The following GRAMD2B variants were observed in gnomAD, a reference collection of about 807,000 sequenced individuals.
The protein encoded by GRAMD2B is GRAM domain-containing protein 2B.
GRAMD2B carries 41 observed loss-of-function variants against 59.2 expected under a neutral mutation model. That is an observed-to-expected ratio of 0.69 (90% CI 0.54 to 0.90). GRAMD2B has a LOEUF of 0.90. GRAMD2B is among the 40% of genes least tolerant of loss of function. The pLI, the probability that GRAMD2B is intolerant of heterozygous loss-of-function variation, is 0.00. For synonymous variants in GRAMD2B, 161 were observed against 182.7 expected (o/e 0.88, Z 0.96); for missense variants, 424 against 500.5 (o/e 0.85, Z 1.46).
intron 1 of GRAMD2B, among the ~76,000 whole-genome samples, chr5:126,438,375 T>C (rs1762757353): frequency 6.6e-6 from 1 of 152,006 alleles, no homozygotes; most frequent in African/African-American, 2.4e-5. Context: ...GTGTCAGAAA[T>C]GGGCTTGAAC....
intron 1 of GRAMD2B, among the ~76,000 whole-genome samples, chr5:126,443,350 G>A (rs970043603): frequency 5.3e-5 from 8 of 152,188 alleles, no homozygotes; most frequent in East Asian, 3.8e-4. Flanking sequence ...TGGCTCAGGC[G>A]CACCTGAAAT....
chr5:126,416,492 A>T (rs965387485), intron 1 of GRAMD2B, among the ~76,000 whole-genome samples: 12 of 152,322 alleles, frequency 7.9e-5, no homozygotes, highest in African/African-American at 2.9e-4. Flanking sequence ...ATCTAACATG[A>T]ACTAGACTCT....
At position 126,371,376 on chromosome 5, in the gene GRAMD2B, A is replaced by G. The variant is rs1580676762; in HGVS notation, c.-67A>G. ...AAAGCTGAAACGCAGAGATTTTCAT[A>G]TTATTTGGGAGACTCAGAAATGAGC... On this transcript the variant is annotated 5_prime_UTR_variant, in exon 1 of 9. Transcript: ENST00000506445. The G allele has an allele frequency of 3.3e-6, 4 of 1,218,626 alleles. No homozygotes were observed. The South Asian group carries it at 4.3e-5, about 13-fold the overall frequency. The allele number at this position is 1,218,626 out of a possible 1,614,324, so 75.5% of individuals were successfully genotyped here.
At chr5:126,363,381 T>C (rs1754308492) in intron 1 of GRAMD2B, among the ~76,000 whole-genome samples, 1 of 152,088 alleles carries the variant, frequency 6.6e-6, no homozygotes, top group South Asian at 2.1e-4. Context: ...AAATGTAAAA[T>C]GTTACGACCA....
chr5:126,439,738 G>C (rs796529461), intron 1 of GRAMD2B, among the ~76,000 whole-genome samples: 10 of 152,326 alleles, frequency 6.6e-5, no homozygotes, highest in African/African-American at 2.4e-4. Context: ...CGGTTTGGCT[G>C]AGTCCCCACT....
At chr5:126,465,066 C>T (rs1324437664) in intron 1 of GRAMD2B, 8 of 1,047,718 alleles carry the variant, frequency 7.6e-6, no homozygotes, top group South Asian at 4.0e-5. Context: ...GGAGGCCACA[C>T]GTGAGCGTGT....
intron 1 of GRAMD2B, among the ~76,000 whole-genome samples, chr5:126,416,407 C>G (rs1431546169): frequency 6.6e-6 from 1 of 152,138 alleles, no homozygotes; most frequent in Admixed American, 6.5e-5. Flanking sequence ...CAGAGTTCCA[C>G]AGGAGTATGG....
rs774783113 is a variant in GRAMD2B at position 126,493,212 on chromosome 5, G to A, written c.*256G>A. On this transcript the variant is annotated 3_prime_UTR_variant, in exon 14 of 14. Coordinates refer to ENST00000285689, the MANE Select transcript of GRAMD2B (RefSeq NM_023927.4). ...TGAAGAAAACAGACCCATCTCTGGA[G>A]GTCTCAGGAAGGGCCCAGCGAACAC... 58 of 485,770 alleles carry A rather than the reference G, an allele frequency of 1.2e-4. No individual in the cohort carries two copies. Among genetic ancestry groups the A allele is most frequent in the Non-Finnish European group, 2.0e-4 (55 of 269,804 alleles). 30.1% of individuals were successfully genotyped at this position (485,770 alleles called of 1,614,324 possible). A position where few individuals can be genotyped will look rare whatever the true frequency, so the allele number is the denominator to read the frequency against.
rs775670020 is a variant in GRAMD2B at position 126,486,985 on chromosome 5, G to T, written c.1163+8G>T. 2 of 1,462,268 alleles carry T rather than the reference G, an allele frequency of 1.4e-6. No homozygotes were observed. Among genetic ancestry groups the T allele is most frequent in the South Asian group, 1.1e-5 (1 of 87,486 alleles). 90.6% of individuals were successfully genotyped at this position (1,462,268 alleles called of 1,614,324 possible). A position where few individuals can be genotyped will look rare whatever the true frequency, so the allele number is the denominator to read the frequency against. ...GGACACCCATAATACTGAGTAAGAC[G>T]ATTGCCTCTAGCTGTCATCTGCTTG... On this transcript the variant is annotated splice_region_variant and intron_variant, in intron 12 of 13. Transcript: ENST00000285689.
At chr5:126,445,875 C>A (rs1456238601) in intron 1 of GRAMD2B, among the ~76,000 whole-genome samples, 3 of 152,176 alleles carry the variant, frequency 2.0e-5, no homozygotes, top group Non-Finnish European at 4.4e-5. Context: ...CCATTTCTTC[C>A]TCTCTCCAGT....
chr5:126,360,384 T>A, exon 1 of GRAMD2B: 1 of 1,551,362 alleles, frequency 6.4e-7, no homozygotes, highest in Non-Finnish European at 8.7e-7. Flanking sequence ...CAGCAAACAT[T>A]CCAAGCACAG....
chr5:126,381,416 A>G (rs1025581177), intron 1 of GRAMD2B, among the ~76,000 whole-genome samples: 3 of 152,054 alleles, frequency 2.0e-5, no homozygotes, highest in African/African-American at 7.2e-5. Flanking sequence ...TTCCTGTTCA[A>G]CTAGTCCTTT....
chr5:126,409,750 T>G (rs867564233), intron 1 of GRAMD2B, among the ~76,000 whole-genome samples: 103 of 152,318 alleles, frequency 6.8e-4, no homozygotes, highest in Middle Eastern at 3.4e-3. Context: ...GTTTTAGACA[T>G]GAAGTCCTTG....
At chr5:126,375,385 T>C (rs375413659) in intron 1 of GRAMD2B, among the ~76,000 whole-genome samples, 1 of 152,082 alleles carries the variant, frequency 6.6e-6, no homozygotes, top group Non-Finnish European at 1.5e-5. Context: ...TTTTTTTTTT[T>C]CGAGATGGAG....
At chr5:126,418,990 C>T (rs1439760771), upstream of GRAMD2B, among the ~76,000 whole-genome samples, 2 of 152,178 alleles carry the variant, frequency 1.3e-5, no homozygotes, top group Admixed American at 6.5e-5. Flanking sequence ...TTAACATCTT[C>T]TAAAACCTAT....
intron 1 of GRAMD2B, among the ~76,000 whole-genome samples, chr5:126,415,804 A>G (rs1759219652): frequency 6.6e-6 from 1 of 152,190 alleles, no homozygotes; most frequent in Admixed American, 6.5e-5. Context: ...TGCTGTAATA[A>G]TAGAAGTTGT....
At chr5:126,377,047 G>A (rs945065236) in intron 1 of GRAMD2B, among the ~76,000 whole-genome samples, 2 of 150,776 alleles carry the variant, frequency 1.3e-5, no homozygotes, top group Admixed American at 6.6e-5. Flanking sequence ...TGCAAGGAGC[G>A]AAAGGACCTC....
At chr5:126,371,278 G>T, upstream of GRAMD2B, 1 of 1,102,154 alleles carries the variant, frequency 9.1e-7, no homozygotes, top group South Asian at 2.2e-5. Context: ...ATCATTAACT[G>T]ACTTTTAAAA....
chr5:126,493,008 G>T lies in GRAMD2B; in HGVS notation c.*52G>T, dbSNP rs772284117. ...ATACCTCATGTTTCCCTTTGAAGAA[G>T]GTGCTTCCTGAGGCGTTTTGTTTGA... is the stretch of plus-strand genomic sequence containing the variant. On this transcript the variant is annotated 3_prime_UTR_variant, in exon 14 of 14. Transcript: ENST00000285689. 1 of 1,505,006 alleles carries T rather than the reference G, an allele frequency of 6.6e-7. No individual in the cohort carries two copies. The highest frequency in any genetic ancestry group is 2.3e-5 in the East Asian group (1 of 44,314). 93.2% of individuals were successfully genotyped at this position (1,505,006 alleles called of 1,614,324 possible). A position where few individuals can be genotyped will look rare whatever the true frequency, so the allele number is the denominator to read the frequency against.
Sources: allele counts gnomAD v4.1 joint callset (sites outside exome capture counted in the v4.1 genomes callset), GRCh38; gene constraint gnomAD v4.1.1; transcripts MANE v1.5; gene names NCBI Gene and HGNC (gene_info 2026-07-23, HGNC 2026-07-21).